ZFAND3: variants seen among roughly 807,000 people sequenced by gnomAD.
ZFAND3 encodes AN1-type zinc finger protein 3.
Under a neutral mutation model 29.6 loss-of-function variants are expected in ZFAND3, and 10 were observed. The observed-to-expected ratio is 0.34, with a 90% confidence interval of 0.21 to 0.57. ZFAND3 has a LOEUF of 0.57. Among genes scored for constraint, ZFAND3 ranks in the 20% least tolerant of loss-of-function variants. The pLI is 0.86. For synonymous variants in ZFAND3, 128 were observed against 112.6 expected (o/e 1.14, Z -0.87); for missense variants, 230 against 304.5 (o/e 0.76, Z 1.82).
At chr6:38,046,883 C>T (rs777489780) in intron 2 of ZFAND3, among the ~76,000 whole-genome samples, 10 of 152,002 alleles carry the variant, frequency 6.6e-5, no homozygotes, top group South Asian at 2.1e-4. Flanking sequence ...TTTTTATTAA[C>T]GCTATTACAG....
At chr6:37,876,914 T>C (rs952708258) in intron 1 of ZFAND3, among the ~76,000 whole-genome samples, 7 of 152,234 alleles carry the variant, frequency 4.6e-5, no homozygotes, top group African/African-American at 1.7e-4. Context: ...TAAATTCCTT[T>C]GCTTTGAAGA....
chr6:38,052,716 A>G (rs926384592), intron 2 of ZFAND3, among the ~76,000 whole-genome samples: 2 of 152,132 alleles, frequency 1.3e-5, no homozygotes, highest in African/African-American at 4.8e-5. Context: ...GGATAAAAAA[A>G]TCTCCCACGT....
intron 5 of ZFAND3, among the ~76,000 whole-genome samples, chr6:38,139,236 G>A (rs1057340383): frequency 6.6e-6 from 1 of 152,176 alleles, no homozygotes; most frequent in Non-Finnish European, 1.5e-5. Context: ...AGAGAACACA[G>A]TCTTTCTATA....
At chr6:37,825,308 C>G (rs1298341926) in intron 1 of ZFAND3, among the ~76,000 whole-genome samples, 1 of 152,092 alleles carries the variant, frequency 6.6e-6, no homozygotes, top group Non-Finnish European at 1.5e-5. Flanking sequence ...ATTATAAAAC[C>G]CCCTTAAACA....
intron 2 of ZFAND3, chr6:38,002,719 T>A (rs1762972188): frequency 6.6e-6 from 1 of 152,072 alleles, no homozygotes; most frequent in South Asian, 2.1e-4. Flanking sequence ...GTCCACAATT[T>A]GTTCGATGCT....
At chr6:37,838,350 A>G (rs911056387) in intron 1 of ZFAND3, among the ~76,000 whole-genome samples, 3 of 152,224 alleles carry the variant, frequency 2.0e-5, no homozygotes, top group African/African-American at 2.4e-5. Context: ...TTTGGAGTGT[A>G]TAACTGTGTG....
intron 1 of ZFAND3, among the ~76,000 whole-genome samples, chr6:37,890,957 A>G (rs1207752759): frequency 6.6e-6 from 1 of 152,244 alleles, no homozygotes. Context: ...TCGGAAGATG[A>G]GCAGAAACTG....
At chr6:38,040,492 C>T (rs570542723) in intron 2 of ZFAND3, among the ~76,000 whole-genome samples, 4 of 152,260 alleles carry the variant, frequency 2.6e-5, no homozygotes, top group African/African-American at 9.6e-5. Context: ...TGTCAGTGGA[C>T]ACTTCAGTTG....
chr6:37,977,591 G>T (rs1187860379), intron 2 of ZFAND3, among the ~76,000 whole-genome samples: 1 of 152,046 alleles, frequency 6.6e-6, no homozygotes, highest in African/African-American at 2.4e-5. Context: ...ACGGACATGA[G>T]CCACTGCACC....
At chr6:38,138,118 C>T (rs1330892257) in intron 5 of ZFAND3, among the ~76,000 whole-genome samples, 12 of 151,656 alleles carry the variant, frequency 7.9e-5, no homozygotes, top group Admixed American at 7.9e-4. Context: ...TGGAGACCAA[C>T]CTGGGCAACA....
intron 3 of ZFAND3, among the ~76,000 whole-genome samples, chr6:38,064,478 T>C (rs889365450): frequency 2.6e-5 from 4 of 152,200 alleles, no homozygotes; most frequent in African/African-American, 9.7e-5. Flanking sequence ...AGGATTCAAA[T>C]TTAGGCATTT....
intron 1 of ZFAND3, among the ~76,000 whole-genome samples, chr6:37,851,281 C>T (rs1764275657): frequency 6.6e-6 from 1 of 152,022 alleles, no homozygotes; most frequent in Non-Finnish European, 1.5e-5. Flanking sequence ...GTCACCACGC[C>T]CAGCCATTGA....
intron 4 of ZFAND3, among the ~76,000 whole-genome samples, chr6:38,097,725 G>A (rs375654892): frequency 1.3e-5 from 2 of 152,206 alleles, no homozygotes; most frequent in South Asian, 4.1e-4. Context: ...GTAGATAATA[G>A]AGATGTAGAC....
chr6:38,067,712 C>T (rs145138467), intron 3 of ZFAND3, among the ~76,000 whole-genome samples: 334 of 152,220 alleles, frequency 2.2e-3, no homozygotes, highest in African/African-American at 6.9e-3. Flanking sequence ...GTAGTTAGAA[C>T]GCTGGAATCA....
intron 3 of ZFAND3, among the ~76,000 whole-genome samples, chr6:38,066,109 G>C (rs1416850705): frequency 6.6e-6 from 1 of 152,216 alleles, no homozygotes; most frequent in Non-Finnish European, 1.5e-5. Flanking sequence ...TTTCAGGTCA[G>C]CTTTGCTCCC....
At chr6:38,090,290 T>C (rs1462229391) in intron 4 of ZFAND3, among the ~76,000 whole-genome samples, 7 of 152,246 alleles carry the variant, frequency 4.6e-5, no homozygotes, top group Admixed American at 1.3e-4. Context: ...GACCTACTTA[T>C]GTAATATGCA....
intron 5 of ZFAND3, among the ~76,000 whole-genome samples, chr6:38,119,612 C>T (rs1008863412): frequency 2.0e-5 from 3 of 152,188 alleles, no homozygotes; most frequent in African/African-American, 7.2e-5. Flanking sequence ...CAGAGGATGT[C>T]ATTTTCATTA....
intron 3 of ZFAND3, among the ~76,000 whole-genome samples, chr6:38,069,217 A>G (rs1764405584): frequency 6.6e-6 from 1 of 152,242 alleles, no homozygotes; most frequent in Non-Finnish European, 1.5e-5. Context: ...ATATTGGGCA[A>G]AACAGGCTGG....
At chr6:38,042,681 G>A (rs998300705) in intron 2 of ZFAND3, among the ~76,000 whole-genome samples, 2 of 152,078 alleles carry the variant, frequency 1.3e-5, no homozygotes, top group African/African-American at 2.4e-5. Flanking sequence ...AGAAACATAT[G>A]CAAGAAAGGA....
Sources: gnomAD v4.1 joint callset for allele counts (sites outside exome capture counted in the v4.1 genomes callset) on GRCh38, gnomAD v4.1.1 for gene constraint, MANE v1.5 for transcripts, NCBI Gene and HGNC (gene_info 2026-07-23, HGNC 2026-07-21) for gene names.